The following MBD3L1 variants were observed in gnomAD, a reference collection of about 807,000 sequenced individuals.
The protein encoded by MBD3L1 is methyl-CpG-binding domain protein 3-like 1.
For synonymous variants in MBD3L1, 84 were observed against 85.1 expected (o/e 0.99, Z 0.07); for missense variants, 203 against 230.1 (o/e 0.88, Z 0.76).
intron 1 of MBD3L1, among the ~76,000 whole-genome samples, chr19:8,835,048 GT>G (rs777643019): frequency 0.023 from 3,254 of 142,182 alleles, 37 homozygotes; most frequent in African/African-American, 0.033. Context: ...TGAACAAAGA[GT>G]TTTTTTTTTT....
At position 8,834,392 on chromosome 19, in the gene MBD3L1, G is replaced by A. The variant is rs1306306743; in HGVS notation, c.-107+1870G>A. ...TGGGAGGCTGAGGCAGGCAGATCAC[G>A]AGGTCAAGATATCGAGACCATCCTG... On this transcript the variant is annotated intron_variant, in intron 1 of 2. Coordinates refer to ENST00000595891, the MANE Select transcript of MBD3L1 (RefSeq NM_001393532.1). Among the ~76,000 whole-genome samples, 5 of 151,934 alleles carry A rather than the reference G, an allele frequency of 3.3e-5. 1 individual carries two copies. In the South Asian group the frequency reaches 8.3e-4, roughly 25 times the overall value.
intron 1 of MBD3L1, among the ~76,000 whole-genome samples, 198 bp downstream of exon 1, chr19:8,832,720 G>T (rs563599052): frequency 6.6e-6 from 1 of 152,056 alleles, no homozygotes; most frequent in Non-Finnish European, 1.5e-5. Context: ...CCAGTTCTCG[G>T]GGCGGATGGT....
intron 1 of MBD3L1, among the ~76,000 whole-genome samples, chr19:8,839,322 T>C (rs1034035202): frequency 7.9e-5 from 12 of 151,714 alleles, no homozygotes; most frequent in Admixed American, 2.0e-4. Context: ...GTAGCTGGGA[T>C]ACAGGTGTGT....
chr19:8,832,666 G>A (rs2910366), intron 1 of MBD3L1, 144 bp downstream of exon 1: 94,750 of 152,202 alleles, frequency 0.62, 30,363 homozygotes, highest in Middle Eastern at 0.78. Context: ...GGGCGAGGCT[G>A]ATTGGGCAGA....
chr19:8,833,624 T>C lies in MBD3L1; in HGVS notation c.-107+1102T>C, dbSNP rs776383796. ...GCCCTCAGAGAACGTGCATTTTAGT[T>C]GTGAGTTGGGCAGGAGAAATGGACA... On this transcript the variant is annotated intron_variant, in intron 1 of 2. Transcript: ENST00000595891. 6 of 152,204 alleles carry C rather than the reference T, an allele frequency of 3.9e-5. No homozygotes were observed. The East Asian group carries it at 1.2e-3, about 29-fold the overall frequency. 9.4% of individuals were successfully genotyped at this position (152,204 alleles called of 1,614,324 possible).
chr19:8,836,025 G>T (rs1018306451), intron 1 of MBD3L1, among the ~76,000 whole-genome samples: 1 of 152,172 alleles, frequency 6.6e-6, no homozygotes, highest in African/African-American at 2.4e-5. Context: ...GGGGAAGTGG[G>T]TAATGGTATG....
chr19:8,840,496 G>T (rs934293625), intron 1 of MBD3L1, among the ~76,000 whole-genome samples: 2 of 152,072 alleles, frequency 1.3e-5, no homozygotes, highest in African/African-American at 4.8e-5. Flanking sequence ...TAGAGATGGG[G>T]GTCCCCCTAC....
In MBD3L1 at chr19:8,835,049, T is replaced by C. The variant is rs924480941; in HGVS notation, c.-107+2527T>C. Reference sequence around the variant, plus strand: ...TACCCAATTAAAAGTGAACAAAGAGTTTTTTTTTTTTTTTCTTTTTGAGGT... The same window carrying C: ...TACCCAATTAAAAGTGAACAAAGAGCTTTTTTTTTTTTTTCTTTTTGAGGT... On this transcript the variant is annotated intron_variant, in intron 1 of 2. Coordinates refer to ENST00000595891, the MANE Select transcript of MBD3L1 (RefSeq NM_001393532.1). Among the ~76,000 whole-genome samples, 4 of 132,834 alleles carry C rather than the reference T, an allele frequency of 3.0e-5. No individual in the cohort carries two copies. In the Admixed American group the frequency reaches 3.0e-4, roughly 10 times the overall value. 87.1% of individuals were successfully genotyped at this position (132,834 alleles called of 152,430 possible). A position where few individuals can be genotyped will look rare whatever the true frequency, so the allele number is the denominator to read the frequency against.
rs117952868 is a variant in MBD3L1 at position 8,842,707 on chromosome 19, G to C, written c.29G>C (p.Arg10Pro). The change falls in exon 3 of 3, where the codon CGT becomes CCT. Residue 10 changes from arginine to proline, a missense_variant. Physicochemically the swap from Arg to Pro is moderately radical, Grantham distance 103 (BLOSUM62 -2). Coordinates refer to ENST00000595891, the MANE Select transcript of MBD3L1 (RefSeq NM_001393532.1). MAKSSQRKQ[R>P]DCVNQCKSKP... Reference sequence around the variant, plus strand: ...GCCAAGAGTTCACAGAGGAAGCAACGTGACTGTGTAAACCAATGCAAATCA... The same window carrying C: ...GCCAAGAGTTCACAGAGGAAGCAACCTGACTGTGTAAACCAATGCAAATCA... 1.7e-3 allele frequency: 2,769 copies of C among 1,614,148 alleles called. 123 individuals carry two copies. The East Asian group carries it at 0.054, about 31-fold the overall frequency.
intron 1 of MBD3L1, among the ~76,000 whole-genome samples, chr19:8,836,333 C>G (rs1219639652): frequency 6.6e-6 from 1 of 151,674 alleles, no homozygotes; most frequent in African/African-American, 2.4e-5. Context: ...AATGTGAGTT[C>G]TTCTCTTCTT....
At chr19:8,838,839 C>T (rs867577455) in intron 1 of MBD3L1, among the ~76,000 whole-genome samples, 4 of 152,114 alleles carry the variant, frequency 2.6e-5, no homozygotes, top group Non-Finnish European at 4.4e-5. Context: ...TTTATAGGGT[C>T]GTGCTGGAGG....
chr19:8,842,281 T>G (rs2044520781), intron 2 of MBD3L1, among the ~76,000 whole-genome samples: 1 of 145,952 alleles, frequency 6.9e-6, no homozygotes. Context: ...GAGCTGTGAT[T>G]GCACCACTGC....
intron 1 of MBD3L1, chr19:8,833,167 A>G (rs1400340580): frequency 6.6e-6 from 1 of 152,278 alleles, no homozygotes; most frequent in Non-Finnish European, 1.5e-5. Context: ...GGGAGATCAG[A>G]TTCAGGGGTA....
chr19:8,838,393 C>T (rs2044477594), intron 1 of MBD3L1, among the ~76,000 whole-genome samples: 1 of 147,468 alleles, frequency 6.8e-6, no homozygotes, highest in Non-Finnish European at 1.5e-5. Flanking sequence ...CCCATGGAAA[C>T]AAACTGCATA....
In MBD3L1 at chr19:8,842,702, G is replaced by A. The variant is rs1023368170; in HGVS notation, c.24G>A (p.Lys8=). Residue 8 remains lysine, a synonymous_variant, in exon 3 of 3, where the codon AAG becomes AAA. Transcript: ENST00000595891. The stretch of plus-strand genomic sequence containing the variant: ...TGATGGCCAAGAGTTCACAGAGGAA[G>A]CAACGTGACTGTGTAAACCAATGCA... The part of the protein sequence containing the change: MAKSSQR[K]QRDCVNQCKS... 5 of 1,613,860 alleles carry A rather than the reference G, an allele frequency of 3.1e-6. No homozygotes were observed. The highest frequency in any genetic ancestry group is 4.2e-6 in the Non-Finnish European group (5 of 1,179,874).
At chr19:8,838,044 T>A (rs1271917218) in intron 1 of MBD3L1, among the ~76,000 whole-genome samples, 1 of 151,440 alleles carries the variant, frequency 6.6e-6, no homozygotes, top group Non-Finnish European at 1.5e-5. Flanking sequence ...ATCAAGAGAT[T>A]GAGACCATCC....
chr19:8,841,934 A>G (rs1460334516), intron 2 of MBD3L1, among the ~76,000 whole-genome samples: 1 of 152,190 alleles, frequency 6.6e-6, no homozygotes, highest in East Asian at 1.9e-4. Context: ...CAAAGAGCAG[A>G]GCAGTTGATA....
intron 1 of MBD3L1, among the ~76,000 whole-genome samples, chr19:8,838,411 A>T (rs2044477763): frequency 6.6e-6 from 1 of 152,028 alleles, no homozygotes; most frequent in African/African-American, 2.4e-5. Flanking sequence ...ATATTGCCTA[A>T]CCCTCTCCCG....
intron 1 of MBD3L1, among the ~76,000 whole-genome samples, chr19:8,834,816 C>G (rs1157769127): frequency 2.0e-5 from 3 of 151,908 alleles, no homozygotes; most frequent in African/African-American, 7.3e-5. Context: ...TTGGGTTAGG[C>G]AATTGTTTCT....
Sources: allele counts gnomAD v4.1 joint callset (sites outside exome capture counted in the v4.1 genomes callset), GRCh38; gene constraint gnomAD v4.1.1; transcripts MANE v1.5; gene names NCBI Gene and HGNC (gene_info 2026-07-23, HGNC 2026-07-21).